LRRTM4: variants seen among roughly 807,000 people sequenced by gnomAD.
LRRTM4 encodes the protein leucine rich repeat transmembrane neuronal 4.
Under a neutral mutation model 47.6 loss-of-function variants are expected in LRRTM4, and 25 were observed. That is an observed-to-expected ratio of 0.53 (90% confidence interval 0.38 to 0.73). The LOEUF is 0.73. LRRTM4 is among the 30% of genes least tolerant of loss of function. The pLI is 0.00. For missense variants in LRRTM4, 638 were observed against 713.4 expected, an observed-to-expected ratio of 0.89 and a Z score of 1.20; for synonymous variants, 311 against 269.5, an observed-to-expected ratio of 1.15 and a Z score of -1.51.
chr2:77,518,907 G>C lies in LRRTM4; in HGVS notation c.962C>G (p.Pro321Arg), dbSNP rs1382799878. 6.2e-7 allele frequency: 1 copy of C among 1,607,010 alleles called. No homozygotes were observed. The highest frequency in any genetic ancestry group is 1.3e-5 in the African/African-American group (1 of 74,814). ...NMWECSRSIC[P>R]LFYWLKNFKG... ...GAAATTCTTAAGCCAATAAAATAAAGGACAAATGCTCCGACTGCATTCCCA... is the reference window on the plus strand; with the variant it reads ...GAAATTCTTAAGCCAATAAAATAAACGACAAATGCTCCGACTGCATTCCCA... The change falls in exon 3 of 4, where the codon CCT becomes CGT. Residue 321 changes from proline (P) to arginine (R), a missense_variant. Pro to Arg is a moderately radical substitution (Grantham distance 103, BLOSUM62 -2). Coordinates refer to ENST00000409884, the MANE Select transcript of LRRTM4 (RefSeq NM_001134745.3).
rs6741793 is a variant in LRRTM4 at position 76,978,965 on chromosome 2, G to A, written c.1552-230049C>T. Among the ~76,000 whole-genome samples, 563 of 152,066 alleles carry A rather than the reference G, an allele frequency of 3.7e-3. 1 individual carries two copies. The highest frequency in any genetic ancestry group is 0.013 in the African/African-American group (538 of 41,508). ...TATGACGCCAGGAGACAACCTTAAA[G>A]TCCCTGAAATTCTCACATCTCCAGA... On this transcript the variant is annotated intron_variant, in intron 3 of 3. Coordinates refer to ENST00000409884, the MANE Select transcript of LRRTM4 (RefSeq NM_001134745.3).
At chr2:76,889,905 T>C (rs141462799) in intron 3 of LRRTM4, among the ~76,000 whole-genome samples, 7 of 152,076 alleles carry the variant, frequency 4.6e-5, no homozygotes, top group Non-Finnish European at 1.0e-4. Flanking sequence ...AATTGCAAGC[T>C]ATGGCCACAA....
chr2:77,327,080 G>A (rs552259024), intron 3 of LRRTM4, among the ~76,000 whole-genome samples: 5 of 152,168 alleles, frequency 3.3e-5, no homozygotes, highest in African/African-American at 1.2e-4. Context: ...CAGTAAAGGA[G>A]CAGGGAAAAA....
intron 3 of LRRTM4, among the ~76,000 whole-genome samples, chr2:77,081,023 C>A (rs973930632): frequency 6.6e-6 from 1 of 152,110 alleles, no homozygotes. Context: ...TATTTTCTTG[C>A]TTTAATTGCA....
chr2:76,862,127 C>T (rs1362941838), intron 3 of LRRTM4, among the ~76,000 whole-genome samples: 1 of 149,888 alleles, frequency 6.7e-6, no homozygotes, highest in Non-Finnish European at 1.5e-5. Flanking sequence ...TAAATAACAA[C>T]ACTTGTTTGT....
At chr2:76,894,729 C>G (rs187362258) in intron 3 of LRRTM4, among the ~76,000 whole-genome samples, 4 of 151,930 alleles carry the variant, frequency 2.6e-5, no homozygotes, top group Admixed American at 2.6e-4. Context: ...CCCTGGAAAA[C>G]TGACTTGATT....
At chr2:76,989,635 A>C (rs147704322) in intron 3 of LRRTM4, among the ~76,000 whole-genome samples, 128 of 151,822 alleles carry the variant, frequency 8.4e-4, no homozygotes, top group African/African-American at 3.0e-3. Flanking sequence ...TAATCTCCCT[A>C]ATCTCAGTAT....
At chr2:76,921,545 G>A (rs1293391081) in intron 3 of LRRTM4, among the ~76,000 whole-genome samples, 1 of 151,896 alleles carries the variant, frequency 6.6e-6, no homozygotes, top group East Asian at 1.9e-4. Context: ...ATAGCAGGTA[G>A]TACCTATATA....
intron 3 of LRRTM4, among the ~76,000 whole-genome samples, chr2:77,267,687 G>A (rs1311027262): frequency 2.4e-5 from 2 of 84,210 alleles, no homozygotes; most frequent in African/African-American, 5.3e-5. Context: ...ATTTCAAACT[G>A]TTCTTCCAGA....
chr2:77,312,782 T>C (rs550159176), intron 3 of LRRTM4, among the ~76,000 whole-genome samples: 2 of 152,272 alleles, frequency 1.3e-5, no homozygotes, highest in East Asian at 3.9e-4. Context: ...AAATACCCAC[T>C]GAAATAAGTC....
At chr2:77,177,456 A>T (rs547394167) in intron 3 of LRRTM4, among the ~76,000 whole-genome samples, 1 of 152,198 alleles carries the variant, frequency 6.6e-6, no homozygotes, top group Non-Finnish European at 1.5e-5. Context: ...AAACTGCCTC[A>T]TCTTCCCACC....
At chr2:77,235,784 T>C (rs1049118990) in intron 3 of LRRTM4, among the ~76,000 whole-genome samples, 4 of 152,088 alleles carry the variant, frequency 2.6e-5, no homozygotes, top group African/African-American at 4.8e-5. Context: ...CCTTTCCTCA[T>C]TGGTTATTTT....
At chr2:77,257,957 G>A (rs13384826) in intron 3 of LRRTM4, among the ~76,000 whole-genome samples, 18,685 of 151,700 alleles carry the variant, frequency 0.12, 3,866 homozygotes, top group African/African-American at 0.42. Context: ...TTAGCTGGGC[G>A]TGGTGGTGCA....
rs544341545 is a variant in LRRTM4 at position 76,786,834 on chromosome 2, A to G, written c.1552-37918T>C. Reference sequence around the variant, plus strand: ...AGAATACAGAAGGAACTGGAATTTCATATTGCTTTCCTTGCTGTTTCTTTT... The same window carrying G: ...AGAATACAGAAGGAACTGGAATTTCGTATTGCTTTCCTTGCTGTTTCTTTT... On this transcript the variant is annotated intron_variant, in intron 3 of 3. Coordinates refer to ENST00000409884, the MANE Select transcript of LRRTM4 (RefSeq NM_001134745.3). Among the ~76,000 whole-genome samples the G allele has an allele frequency of 2.0e-5, 3 of 151,328 alleles. No homozygotes were observed. The South Asian group carries it at 6.3e-4, about 32-fold the overall frequency.
intron 3 of LRRTM4, among the ~76,000 whole-genome samples, chr2:77,511,945 A>G (rs1249921703): frequency 6.6e-6 from 1 of 152,050 alleles, no homozygotes; most frequent in Non-Finnish European, 1.5e-5. Flanking sequence ...TAGCTTTCAT[A>G]TATTTTTATT....
chr2:77,078,220 C>A (rs945529396), intron 3 of LRRTM4, among the ~76,000 whole-genome samples: 2 of 152,138 alleles, frequency 1.3e-5, no homozygotes, highest in African/African-American at 4.8e-5. Context: ...TTATATCTGC[C>A]ATAAACTAAT....
chr2:77,014,419 A>T (rs559811457), intron 3 of LRRTM4, among the ~76,000 whole-genome samples: 1 of 151,828 alleles, frequency 6.6e-6, no homozygotes, highest in Non-Finnish European at 1.5e-5. Context: ...CTACAATATA[A>T]ATCATCTCGT....
intron 3 of LRRTM4, among the ~76,000 whole-genome samples, chr2:77,411,456 T>C (rs1454430616): frequency 9.2e-6 from 1 of 108,878 alleles, no homozygotes; most frequent in Admixed American, 9.6e-5. Context: ...TTCTTCTTTT[T>C]TTTTTTTTTT....
At chr2:76,781,617 G>A (rs909003226) in intron 3 of LRRTM4, among the ~76,000 whole-genome samples, 1,951 of 152,268 alleles carry the variant, frequency 0.013, 14 homozygotes, top group Non-Finnish European at 0.021. Context: ...TTCGGCTCGC[G>A]CATGGTGCGC....
Sources: allele counts gnomAD v4.1 joint callset (sites outside exome capture counted in the v4.1 genomes callset), GRCh38; gene constraint gnomAD v4.1.1; transcripts MANE v1.5; gene names NCBI Gene and HGNC (gene_info 2026-07-23, HGNC 2026-07-21).